MCM3: variants seen among roughly 807,000 people sequenced by gnomAD.
The protein encoded by MCM3 is DNA replication licensing factor MCM3.
MCM3 carries 59 observed loss-of-function variants against 91.3 expected under a neutral mutation model. That is an observed-to-expected ratio of 0.65 (90% confidence interval 0.52 to 0.80). The LOEUF (loss-of-function observed/expected upper bound fraction) is 0.80. MCM3 is among the 30% of genes least tolerant of loss of function. The pLI is 0.00. For missense variants in MCM3, 919 were observed against 1,035.4 expected, an observed-to-expected ratio of 0.89 and a Z score of 1.54; for synonymous variants, 383 against 379.6, an observed-to-expected ratio of 1.01 and a Z score of -0.10.
chr6:52,268,073 T>C, intron 13 of MCM3, 105 bp from the exon 14 acceptor site: 1 of 1,508,028 alleles, frequency 6.6e-7, no homozygotes, highest in African/African-American at 1.4e-5. Context: ...AAGACTTCCA[T>C]GTTTCCAATG....
At chr6:52,273,175 T>C (rs924098578) in intron 11 of MCM3, 55 bp downstream of exon 11, 70 of 1,609,606 alleles carry the variant, frequency 4.3e-5, no homozygotes, top group Non-Finnish European at 5.4e-5. Flanking sequence ...ATACACATGC[T>C]CTAATATAAC....
intron 12 of MCM3, among the ~76,000 whole-genome samples, chr6:52,269,765 T>C (rs1377198515): frequency 6.6e-6 from 1 of 152,224 alleles, no homozygotes; most frequent in Non-Finnish European, 1.5e-5. Context: ...AACAAATGTT[T>C]CTCACAGGGG....
At chr6:52,279,116 C>T (rs915454692) in intron 5 of MCM3, among the ~76,000 whole-genome samples, 1 of 152,172 alleles carries the variant, frequency 6.6e-6, no homozygotes, top group Non-Finnish European at 1.5e-5. Flanking sequence ...AAATGAGAAA[C>T]TCCCAGGAAA....
At chr6:52,270,051 C>G (rs17246535) in intron 12 of MCM3, among the ~76,000 whole-genome samples, 16,910 of 152,176 alleles carry the variant, frequency 0.11, 1,283 homozygotes, top group South Asian at 0.26. Context: ...CCAGCCCGGA[C>G]GTGGTGGCTC....
chr6:52,273,213 G>C lies in MCM3; in HGVS notation c.1676+17C>G, dbSNP rs764987617. 6.8e-6 allele frequency: 11 copies of C among 1,614,074 alleles called. No homozygotes were observed. The South Asian group carries it at 1.2e-4, about 18-fold the overall frequency. ...ATATTTCAGGTTCCCTTGAGGAAGA[G>C]TTATGAGAATGCTCACTTTTTCTTC... On this transcript the variant is annotated intron_variant, in intron 11 of 16. Transcript: ENST00000596288.
rs777906188 is a variant in MCM3 at position 52,264,543 on chromosome 6, G to A, written c.*45C>T. On this transcript the variant is annotated 3_prime_UTR_variant, in exon 17 of 17. Coordinates refer to ENST00000596288, the MANE Select transcript of MCM3 (RefSeq NM_002388.6). The stretch of plus-strand genomic sequence containing the variant: ...GGTCAGGGAGAGGGTGGGAAACACA[G>A]AACAAACTCTCTCGGCACAACCCAA... The A allele has an allele frequency of 1.2e-5, 19 of 1,605,248 alleles. No individual in the cohort carries two copies. In the Admixed American group the frequency reaches 2.8e-4, roughly 24 times the overall value.
intron 11 of MCM3, 120 bp from the exon 12 acceptor site, chr6:52,272,571 T>C (rs1252709856): frequency 1.1e-6 from 1 of 946,682 alleles, no homozygotes. Flanking sequence ...TTATCATAAC[T>C]CCCATTTATA....
chr6:52,282,610 CCT>C (rs753488750), intron 3 of MCM3, 41 bp downstream of exon 3: 4 of 1,584,702 alleles, frequency 2.5e-6, no homozygotes, highest in East Asian at 2.2e-5. Context: ...TCCCCATCTC[CCT>C]GTCTATTCAT....
intron 12 of MCM3, 23 bp downstream of exon 12, chr6:52,272,278 C>G: frequency 1.2e-6 from 2 of 1,610,000 alleles, no homozygotes; most frequent in Non-Finnish European, 1.7e-6. Flanking sequence ...GGACCCCAAG[C>G]CTAGGCTCCC....
chr6:52,281,021 G>A (rs1370240238), intron 4 of MCM3, among the ~76,000 whole-genome samples: 2 of 152,188 alleles, frequency 1.3e-5, no homozygotes, highest in African/African-American at 2.4e-5. Context: ...GCCTAATAGT[G>A]CTTTGAATAC....
At chr6:52,279,760 G>A (rs967276276) in intron 4 of MCM3, among the ~76,000 whole-genome samples, 161 bp from the exon 5 acceptor site, 1 of 152,198 alleles carries the variant, frequency 6.6e-6, no homozygotes, top group Non-Finnish European at 1.5e-5. Flanking sequence ...GTCTGTTTTA[G>A]TAACAACCAT....
Position 52,277,768 on chromosome 6 carries a change from A to G in MCM3, c.880-80T>C. 2.2e-6 allele frequency: 3 copies of G among 1,386,350 alleles called. No homozygotes were observed. In the East Asian group the frequency reaches 7.0e-5, roughly 32 times the overall value. The allele number at this position is 1,386,350 out of a possible 1,614,324, so 85.9% of individuals were successfully genotyped here. On this transcript the variant is annotated intron_variant, in intron 6 of 16. Coordinates refer to ENST00000596288, the MANE Select transcript of MCM3 (RefSeq NM_002388.6). ...AGCTCCACTTTATATACTTTGGCCT[A>G]TAGAAAATACTTGAAGAGGGCCAGG...
intron 16 of MCM3, 21 bp from the exon 17 acceptor site, chr6:52,264,807 G>C: frequency 1.9e-6 from 3 of 1,611,112 alleles, no homozygotes; most frequent in Non-Finnish European, 2.5e-6. Flanking sequence ...CAGAAGAAAG[G>C]GGGAAGAGGA....
At chr6:52,272,519 G>C in intron 11 of MCM3, 68 bp from the exon 12 acceptor site, 1 of 1,583,136 alleles carries the variant, frequency 6.3e-7, no homozygotes, top group Non-Finnish European at 8.6e-7. Flanking sequence ...TAGTGGCTTT[G>C]CCTCTCAGAA....
Position 52,282,864 on chromosome 6 carries a change from G to GTA in MCM3, c.192-5_192-4dup. The GTA allele has an allele frequency of 6.2e-7, 1 of 1,612,626 alleles. No individual in the cohort carries two copies. Among genetic ancestry groups the GTA allele is most frequent in the Non-Finnish European group, 8.5e-7 (1 of 1,179,158 alleles). ...CCTCAAAGGCATTGTTCAGAAGCCT[G>GTA]TACATAAGCAAGAGAAAGAAAAATT... On this transcript the variant is annotated splice_polypyrimidine_tract_variant and splice_region_variant and intron_variant, in intron 2 of 16. Coordinates refer to ENST00000596288, the MANE Select transcript of MCM3 (RefSeq NM_002388.6).
At chr6:52,270,066 C>G (rs999385616) in intron 12 of MCM3, among the ~76,000 whole-genome samples, 1 of 152,202 alleles carries the variant, frequency 6.6e-6, no homozygotes, top group Non-Finnish European at 1.5e-5. Context: ...TGGCTCACAT[C>G]TGTAATCCTA....
Position 52,264,281 on chromosome 6 carries a change from T to A in MCM3, c.*307A>T. 3.1e-6 allele frequency: 1 copy of A among 322,344 alleles called. No homozygotes were observed. The highest frequency in any genetic ancestry group is 5.9e-6 in the Non-Finnish European group (1 of 168,664). The allele number at this position is 322,344 out of a possible 1,614,324, so 20.0% of individuals were successfully genotyped here. ...TGCCCCCAAAAGTACTCAGAAGTCA[T>A]ATGTTATTTACAATTGGGTTTGTGT... On this transcript the variant is annotated 3_prime_UTR_variant, in exon 17 of 17. Coordinates refer to ENST00000596288, the MANE Select transcript of MCM3 (RefSeq NM_002388.6).
chr6:52,268,036 C>T (rs1186442262), intron 13 of MCM3, 68 bp from the exon 14 acceptor site: 1 of 1,610,936 alleles, frequency 6.2e-7, no homozygotes. Context: ...TCAAGAACTC[C>T]CAGTCCCTTC....
chr6:52,265,110 A>C (rs1350799235), intron 16 of MCM3: 1 of 383,940 alleles, frequency 2.6e-6, no homozygotes, highest in African/African-American at 2.1e-5. Context: ...CATTTCTAGG[A>C]ACTCACCTTA....
Sources: allele counts gnomAD v4.1 joint callset (sites outside exome capture counted in the v4.1 genomes callset), GRCh38; gene constraint gnomAD v4.1.1; transcripts MANE v1.5; gene names NCBI Gene and HGNC (gene_info 2026-07-23, HGNC 2026-07-21).